The following ACTN3 variants were observed in gnomAD, a reference collection of about 807,000 sequenced individuals.
ACTN3 encodes the protein actinin alpha 3.
ACTN3 carries 91 observed loss-of-function variants against 119.6 expected under a neutral mutation model. That is an observed-to-expected ratio of 0.76 (90% CI 0.64 to 0.91). The LOEUF (loss-of-function observed/expected upper bound fraction) is 0.91, where lower values mean the gene tolerates loss of function less well. Ranked by LOEUF, ACTN3 falls within the 40% of genes least tolerant of loss-of-function variation. The pLI, the probability that ACTN3 is intolerant of heterozygous loss-of-function variation, is 0.00. For missense variants in ACTN3, 1,221 were observed against 1,215.1 expected (o/e 1.00, Z -0.07); for synonymous variants, 456 against 478.8 (o/e 0.95, Z 0.62).
rs768399978 is a variant in ACTN3 at position 66,555,118 on chromosome 11, C to T, written c.558-12C>T. The T allele has an allele frequency of 8.7e-6, 14 of 1,613,802 alleles. No homozygotes were observed. The highest frequency in any genetic ancestry group is 1.2e-5 in the Non-Finnish European group (14 of 1,179,836). ...TGAACCCAGGCCTGACCCCCCTCTT[C>T]TCTCTGTCCAGCTGGAAGGATGGCC... On this transcript the variant is annotated splice_polypyrimidine_tract_variant and intron_variant, in intron 5 of 20. Coordinates refer to ENST00000513398, the MANE Select transcript of ACTN3 (RefSeq NM_001104.4).
chr11:66,557,274 C>T, intron 9 of ACTN3, 49 bp downstream of exon 9: 2 of 1,524,870 alleles, frequency 1.3e-6, no homozygotes, highest in Non-Finnish European at 1.8e-6. Flanking sequence ...CCTACTGGCT[C>T]TCCCAACCCT....
chr11:66,555,376 G>A lies in ACTN3; in HGVS notation c.718+9G>A. 6.2e-7 allele frequency: 1 copy of A among 1,613,902 alleles called. No homozygotes were observed. Among genetic ancestry groups the A allele is most frequent in the Non-Finnish European group, 8.5e-7 (1 of 1,179,856 alleles). On this transcript the variant is annotated intron_variant, in intron 7 of 20. Transcript: ENST00000513398. Reference sequence around the variant, plus strand: ...GATGTTGGATGCAGAAGGTGAGAGTGAGCTAGCCCAGGGGAAGACCCCACA... The same window carrying A: ...GATGTTGGATGCAGAAGGTGAGAGTAAGCTAGCCCAGGGGAAGACCCCACA...
chr11:66,557,245 G>A lies in ACTN3; in HGVS notation c.897+20G>A, dbSNP rs377610342. 103 of 1,549,414 alleles carry A rather than the reference G, an allele frequency of 6.6e-5. No individual in the cohort carries two copies. In the Admixed American group the frequency reaches 1.2e-3, roughly 19 times the overall value. On this transcript the variant is annotated intron_variant, in intron 9 of 20. Coordinates refer to ENST00000513398, the MANE Select transcript of ACTN3 (RefSeq NM_001104.4). ...AGTGAGGTGAGGCTGGGCTCCCACC[G>A]TGCTCTCCCCACCCCAGCCCTACTG...
At chr11:66,550,585 G>A (rs1857449342) in intron 1 of ACTN3, among the ~76,000 whole-genome samples, 2 of 152,118 alleles carry the variant, frequency 1.3e-5, no homozygotes, top group Admixed American at 1.3e-4. Context: ...TAAGACCGAG[G>A]CAGGAGGATC....
At chr11:66,546,771 G>T, upstream of ACTN3, 3 of 1,535,258 alleles carry the variant, frequency 2.0e-6, no homozygotes, top group Non-Finnish European at 2.6e-6. Flanking sequence ...CCGGCTTCAG[G>T]ACAACCCCTT....
intron 11 of ACTN3, 35 bp downstream of exon 11, chr11:66,558,209 C>G: frequency 1.2e-6 from 2 of 1,606,636 alleles, no homozygotes; most frequent in South Asian, 1.1e-5. Context: ...TGGACTGTCT[C>G]TTGGGGTGGA....
intron 18 of ACTN3, 37 bp downstream of exon 18, chr11:66,562,205 G>T: frequency 6.2e-7 from 1 of 1,613,884 alleles, no homozygotes. Context: ...TAAGACACTT[G>T]GGGGCTGGTG....
Position 66,563,229 on chromosome 11 carries a change from G to C in ACTN3, c.*36G>C. On this transcript the variant is annotated 3_prime_UTR_variant, in exon 21 of 21. Coordinates refer to ENST00000513398, the MANE Select transcript of ACTN3 (RefSeq NM_001104.4). ...TGAGGTTCTCTATGCAAGATGGAGAGAGGATGCACCCTGTGGCTGATCCCA... is the reference window on the plus strand; with the variant it reads ...TGAGGTTCTCTATGCAAGATGGAGACAGGATGCACCCTGTGGCTGATCCCA... 1 of 1,566,948 alleles carries C rather than the reference G, an allele frequency of 6.4e-7. No individual in the cohort carries two copies. Among genetic ancestry groups the C allele is most frequent in the South Asian group, 1.2e-5 (1 of 86,074 alleles).
intron 1 of ACTN3, among the ~76,000 whole-genome samples, chr11:66,550,569 A>G (rs1423846188): frequency 3.9e-5 from 6 of 152,216 alleles, no homozygotes; most frequent in African/African-American, 1.2e-4. Flanking sequence ...AGTCTGGGCA[A>G]CATAATAAGA....
chr11:66,548,435 G>A (rs1426690080), intron 1 of ACTN3, among the ~76,000 whole-genome samples: 1 of 151,722 alleles, frequency 6.6e-6, no homozygotes, highest in Non-Finnish European at 1.5e-5. Flanking sequence ...TCTGTAACTT[G>A]CCTTTGTCAC....
chr11:66,561,825 T>A (rs139202727), intron 17 of ACTN3, among the ~76,000 whole-genome samples, 188 bp downstream of exon 17: 244 of 141,670 alleles, frequency 1.7e-3, no homozygotes, highest in African/African-American at 6.2e-3. Flanking sequence ...AGGCCAAGAT[T>A]GGCCATAGCT....
At chr11:66,546,517 A>C, upstream of ACTN3, 2 of 1,535,212 alleles carry the variant, frequency 1.3e-6, no homozygotes, top group Non-Finnish European at 1.7e-6. Context: ...TGAAATGGGG[A>C]TAGGGCTCTG....
In ACTN3 at chr11:66,563,306, A is replaced by G; in HGVS notation, c.*113A>G. 7.6e-7 allele frequency: 1 copy of G among 1,319,400 alleles called. No homozygotes were observed. The highest frequency in any genetic ancestry group is 1.0e-6 in the Non-Finnish European group (1 of 986,142). 81.7% of individuals were successfully genotyped at this position (1,319,400 alleles called of 1,614,324 possible). A position where few individuals can be genotyped will look rare whatever the true frequency, so the allele number is the denominator to read the frequency against. On this transcript the variant is annotated 3_prime_UTR_variant, in exon 21 of 21. Transcript: ENST00000513398. ...AGAAAAGCCAGCCAAGTGCTTCTGA[A>G]TAAAGATCCCTCTCTGGGTCTCTCC...
chr11:66,554,750 C>G, intron 5 of ACTN3, 127 bp downstream of exon 5: 2 of 760,298 alleles, frequency 2.6e-6, no homozygotes, highest in Non-Finnish European at 4.2e-6. Context: ...GGAAAGGTCA[C>G]AGTTCCTGGA....
chr11:66,549,774 C>G (rs990886328), intron 1 of ACTN3, among the ~76,000 whole-genome samples: 14 of 149,434 alleles, frequency 9.4e-5, no homozygotes, highest in African/African-American at 3.5e-4. Context: ...TTTGGCACCA[C>G]CCAGACCTGC....
intron 8 of ACTN3, 32 bp downstream of exon 8, chr11:66,556,262 T>C (rs1857588082): frequency 6.2e-7 from 1 of 1,607,280 alleles, no homozygotes; most frequent in South Asian, 1.1e-5. Context: ...TGCCTGGGCT[T>C]GTGGACCCAA....
chr11:66,560,375 C>T, intron 14 of ACTN3, 64 bp downstream of exon 14: 1 of 1,560,650 alleles, frequency 6.4e-7, no homozygotes, highest in Non-Finnish European at 8.7e-7. Flanking sequence ...ATTCTGCCAC[C>T]CACAACTTTA....
intron 19 of ACTN3, 104 bp from the exon 20 acceptor site, chr11:66,562,692 C>T: frequency 1.5e-6 from 2 of 1,309,328 alleles, no homozygotes; most frequent in Non-Finnish European, 2.1e-6. Context: ...TCCCTTGTTA[C>T]TGGGGCTCTG....
intron 1 of ACTN3, among the ~76,000 whole-genome samples, chr11:66,548,189 C>T (rs764379244): frequency 6.6e-6 from 1 of 152,106 alleles, no homozygotes; most frequent in Admixed American, 6.5e-5. Context: ...ACCCCAAGGG[C>T]CGAGAGGCTC....
Sources: gnomAD v4.1 joint callset for allele counts (sites outside exome capture counted in the v4.1 genomes callset) on GRCh38, gnomAD v4.1.1 for gene constraint, MANE v1.5 for transcripts, NCBI Gene and HGNC (gene_info 2026-07-23, HGNC 2026-07-21) for gene names.